Variants in CASKIN1 observed in about 807,000 individuals in gnomAD.
The protein encoded by CASKIN1 is caskin-1.
In CASKIN1, 42 loss-of-function variants were observed where a neutral mutation model predicts 117.5. That is an observed-to-expected ratio of 0.36 (90% CI 0.28 to 0.46). CASKIN1 has a LOEUF of 0.46. CASKIN1 is among the 20% of genes least tolerant of loss of function. The pLI is 1.00. For missense variants in CASKIN1, 2,083 were observed against 2,077.3 expected, an observed-to-expected ratio of 1.00 and a Z score of -0.05; for synonymous variants, 1,148 against 961.7, an observed-to-expected ratio of 1.19 and a Z score of -3.59.
At position 2,180,809 on chromosome 16, in the gene CASKIN1, G is replaced by A; in HGVS notation, c.2559C>T (p.Pro853=). The change falls in exon 18 of 20, where the codon CCC becomes CCT. Residue 853 remains proline (P), a synonymous_variant. Coordinates refer to ENST00000343516, the MANE Select transcript of CASKIN1 (RefSeq NM_020764.4). ...EVGPAAPGPA[P]PPVPTAVPTL... is the part of the protein sequence containing the mutation. ...TGGGCACAGCCGTCGGCACGGGTGG[G>A]GGCGCAGGCCCCGGGGCAGCCGGCC... 1 of 1,397,334 alleles carries A rather than the reference G, an allele frequency of 7.2e-7. No individual in the cohort carries two copies. Among genetic ancestry groups the A allele is most frequent in the African/African-American group, 1.5e-5 (1 of 65,912 alleles). 86.6% of individuals were successfully genotyped at this position (1,397,334 alleles called of 1,614,324 possible).
chr16:2,184,886 T>G lies in CASKIN1; in HGVS notation c.1325-18A>C. On this transcript the variant is annotated intron_variant, in intron 13 of 19. Transcript: ENST00000343516. ...GGCCACACCTGAGGACGAGAGTGGG[T>G]GGGGGACAAGGGCTGTCGGGCTGCT... 2 of 1,575,608 alleles carry G rather than the reference T, an allele frequency of 1.3e-6. No homozygotes were observed. Among genetic ancestry groups the G allele is most frequent in the Non-Finnish European group, 1.7e-6 (2 of 1,157,092 alleles).
At position 2,196,064 on chromosome 16, in the gene CASKIN1, AG is replaced by A. The variant is rs2093215088; in HGVS notation, c.94+274del. 2.0e-5 allele frequency among the ~76,000 whole-genome samples: 3 copies of A among 151,802 alleles called. No individual in the cohort carries two copies. Among genetic ancestry groups the A allele is most frequent in the Admixed American group, 1.3e-4 (2 of 15,260 alleles). ...TGGGAAGGGAGGGGGACAGAGGTAG[AG>A]AGAGAGGGATGCGAACGCCCGCGGC... On this transcript the variant is annotated intron_variant, in intron 1 of 19. Transcript: ENST00000343516. This position sits in a 1 kb window ranked among gnomAD's most constrained non-coding sequence, Gnocchi z 5.7.
At position 2,185,333 on chromosome 16, in the gene CASKIN1, A is replaced by G. The variant is rs1401085066; in HGVS notation, c.1124T>C (p.Ile375Thr). ...SSGPSAPPEE[I>T]WVLRKPFAGG... ...TGCAAAAGGCTTCCTCAGCACCCAG[A>G]TCTCCTCTGGGGGTGCAGAGGGTCC... The change falls in exon 11 of 20, where the codon ATC (isoleucine) becomes ACC (threonine). Residue 375 changes from isoleucine (I) to threonine (T), a missense_variant. This residue lies in a region of CASKIN1 where 1,818 missense variants were observed against 1,688.9 expected (regional missense o/e 1.08). Coordinates refer to ENST00000343516, the MANE Select transcript of CASKIN1 (RefSeq NM_020764.4). 1 of 1,605,772 alleles carries G rather than the reference A, an allele frequency of 6.2e-7. No individual in the cohort carries two copies. Among genetic ancestry groups the G allele is most frequent in the Non-Finnish European group, 8.5e-7 (1 of 1,174,312 alleles).
rs2093166145 is a variant in CASKIN1, at chr16:2,181,067, G to A, written c.2301C>T (p.Leu767=). The A allele has an allele frequency of 1.3e-6, 2 of 1,490,222 alleles. No individual in the cohort carries two copies. Among genetic ancestry groups the A allele is most frequent in the Non-Finnish European group, 1.8e-6 (2 of 1,125,594 alleles). The allele number at this position is 1,490,222 out of a possible 1,614,324, so 92.3% of individuals were successfully genotyped here. A position where few individuals can be genotyped will look rare whatever the true frequency, so the allele number is the denominator to read the frequency against. The change falls in exon 18 of 20, where the codon CTC becomes CTT. Residue 767 remains leucine (L), a synonymous_variant. Transcript: ENST00000343516. ...PPVPGKPRQV[L]PPGTSHFTPP... is the part of the protein sequence containing the mutation. ...GCGTGAAGTGGCTAGTGCCTGGTGG[G>A]AGGACCTGCCGTGGCTTGCCAGGCA...
At chr16:2,191,416 G>A (rs1459425036) in intron 1 of CASKIN1, among the ~76,000 whole-genome samples, 1 of 152,198 alleles carries the variant, frequency 6.6e-6, no homozygotes, top group Admixed American at 6.5e-5. Context: ...CTGTGAATTC[G>A]AATCTCTGCT....
In CASKIN1 at chr16:2,183,701, ATCT is replaced by A. The variant is rs1223851396; in HGVS notation, c.1571_1573del (p.Lys524del). 6 of 1,613,194 alleles carry A rather than the reference ATCT, an allele frequency of 3.7e-6. No homozygotes were observed. The highest frequency in any genetic ancestry group is 4.2e-6 in the Non-Finnish European group (5 of 1,179,962). On this transcript the variant is annotated inframe_deletion, in exon 16 of 20. Transcript: ENST00000343516. Reference sequence around the variant, plus strand: ...GCTTAGGCCGCTGATCTCTGCCGCGATCTTCTTCCGGTGGCCCGGCTTGGTGAC... The same window carrying A: ...GCTTAGGCCGCTGATCTCTGCCGCGATCTTCCGGTGGCCCGGCTTGGTGAC...
At position 2,189,101 on chromosome 16, in the gene CASKIN1, C is replaced by T. The variant is rs570225320; in HGVS notation, c.543G>A (p.Pro181=). 8 of 1,613,552 alleles carry T rather than the reference C, an allele frequency of 5.0e-6. No homozygotes were observed. The Admixed American group carries it at 6.7e-5, about 13-fold the overall frequency. Residue 181 remains proline, a synonymous_variant, in exon 6 of 20, where the codon CCG becomes CCA. Coordinates refer to ENST00000343516, the MANE Select transcript of CASKIN1 (RefSeq NM_020764.4). The part of the protein sequence containing the change: ...NMCAALLEPR[P]GDATDPNGTS... ...TGCCGTTGGGGTCGGTGGCGTCTCC[C>T]GGCCGGGGCTCCAGCAGCGCCGCAC... is the stretch of plus-strand genomic sequence containing the variant.
In CASKIN1 at chr16:2,179,040, G is replaced by T. The variant is rs1567256995; in HGVS notation, c.4061C>A (p.Ala1354Asp). 4 of 982,720 alleles carry T rather than the reference G, an allele frequency of 4.1e-6. No individual in the cohort carries two copies. Among genetic ancestry groups the T allele is most frequent in the Non-Finnish European group, 1.2e-6 (1 of 826,540 alleles). 60.9% of individuals were successfully genotyped at this position (982,720 alleles called of 1,614,324 possible). The change falls in exon 19 of 20, where the codon GCC becomes GAC. Residue 1354 changes from alanine (A) to aspartate (D), a missense_variant. This residue lies in a region of CASKIN1 where 1,818 missense variants were observed against 1,688.9 expected (regional missense o/e 1.08). Transcript: ENST00000343516. The surrounding 1 kb of genome is among the most constrained non-coding windows in gnomAD (Gnocchi z 5.8). ...GCCTTCGGGCGGGGCGGGGGGCGCG[G>T]CGGCGGCGGCGGCGGCGGCGGCGGC... The part of the protein sequence containing the change: ...RAAAAAAAAA[A>D]APPAPPEGAS...
At position 2,183,836 on chromosome 16, in the gene CASKIN1, G is replaced by A. The variant is rs1156626389; in HGVS notation, c.1522C>T (p.Pro508Ser). 3 of 1,612,654 alleles carry A rather than the reference G, an allele frequency of 1.9e-6. No homozygotes were observed. The highest frequency in any genetic ancestry group is 2.7e-5 in the African/African-American group (2 of 74,936). ...YDLPTISRMT[P>S]EDLTAIGVTK... Reference sequence around the variant, plus strand: ...GCGGCGCATGGAAAGCTCACCTCGGGAGTCATGCGGCTGATGGTGGGCAGG... The same window carrying A: ...GCGGCGCATGGAAAGCTCACCTCGGAAGTCATGCGGCTGATGGTGGGCAGG... Residue 508 changes from proline (P) to serine (S), a missense_variant, in exon 15 of 20, where the codon CCC becomes TCC. By Grantham distance (74) the Pro-to-Ser change is moderately conservative. Transcript: ENST00000343516.
rs767978401 is a variant in CASKIN1, at chr16:2,180,690, G to A, written c.2678C>T (p.Pro893Leu). 7 of 1,502,880 alleles carry A rather than the reference G, an allele frequency of 4.7e-6. No individual in the cohort carries two copies. The highest frequency in any genetic ancestry group is 6.2e-6 in the Non-Finnish European group (7 of 1,131,638). The allele number at this position is 1,502,880 out of a possible 1,614,324, so 93.1% of individuals were successfully genotyped here. ...AGGCACCAGCAGCTCGTCCCGCTCC[G>A]GCTCGCTGTCGGACGCCGCATAGCG... ...LNRYAASDSE[P>L]ERDELLVPAA... The change falls in exon 18 of 20, where the codon CCG (proline) becomes CTG (leucine). Residue 893 changes from proline to leucine, a missense_variant. Physicochemically the swap from Pro to Leu is moderately conservative, Grantham distance 98. This residue lies in a region of CASKIN1 where 1,818 missense variants were observed against 1,688.9 expected (regional missense o/e 1.08). Transcript: ENST00000343516.
At position 2,181,340 on chromosome 16, in the gene CASKIN1, C is replaced by A. The variant is rs762154089; in HGVS notation, c.2028G>T (p.Glu676Asp). ...TGPAEVGPTT[E>D]KPSSHLPPTP... is the part of the protein sequence containing the mutation. Reference sequence around the variant, plus strand: ...TGGGTGGCAGGTGGCTGGAGGGCTTCTCAGTGGTGGGCCCCACCTCAGCCG... The same window carrying A: ...TGGGTGGCAGGTGGCTGGAGGGCTTATCAGTGGTGGGCCCCACCTCAGCCG... The change falls in exon 18 of 20, where the codon GAG becomes GAT. Residue 676 changes from glutamate to aspartate, a missense_variant. By Grantham distance (45) the Glu-to-Asp change is conservative. Coordinates refer to ENST00000343516, the MANE Select transcript of CASKIN1 (RefSeq NM_020764.4). The A allele has an allele frequency of 1.9e-6, 3 of 1,607,008 alleles. No homozygotes were observed. In the East Asian group the frequency reaches 6.7e-5, roughly 36 times the overall value.
intron 10 of CASKIN1, among the ~76,000 whole-genome samples, chr16:2,186,197 G>A (rs951390389): frequency 6.6e-6 from 1 of 152,086 alleles, no homozygotes; most frequent in Non-Finnish European, 1.5e-5. Flanking sequence ...TCGAACTCCT[G>A]GGCTCAAACA....
intron 1 of CASKIN1, among the ~76,000 whole-genome samples, chr16:2,190,746 C>A (rs1309964089): frequency 6.6e-6 from 1 of 152,206 alleles, no homozygotes; most frequent in Non-Finnish European, 1.5e-5. Context: ...AGAGCCGGCC[C>A]AATCTGTCTC....
chr16:2,178,918 C>T lies in CASKIN1; in HGVS notation c.4183G>A (p.Asp1395Asn), dbSNP rs1160029993. The change falls in exon 19 of 20, where the codon GAC becomes AAC. Residue 1395 changes from aspartate (D) to asparagine (N), a missense_variant. Transcript: ENST00000343516. Reference sequence around the variant, plus strand: ...CGCACCTACCGCGGGCCCTGCGCGTCCTCCTGCCGGATCTTCTCCTCCACC... The same window carrying T: ...CGCACCTACCGCGGGCCCTGCGCGTTCTCCTGCCGGATCTTCTCCTCCACC... The part of the protein sequence containing the change: ...QAVEEKIRQE[D>N]AQGPRDSAAE... 10 of 1,484,502 alleles carry T rather than the reference C, an allele frequency of 6.7e-6. No individual in the cohort carries two copies. Among genetic ancestry groups the T allele is most frequent in the Admixed American group, 2.3e-5 (1 of 42,790 alleles). The allele number at this position is 1,484,502 out of a possible 1,614,324, so 92.0% of individuals were successfully genotyped here.
rs1344328785 is a variant in CASKIN1 at position 2,179,993 on chromosome 16, C to G, written c.3375G>C (p.Lys1125Asn). 6.2e-7 allele frequency: 1 copy of G among 1,604,758 alleles called. No individual in the cohort carries two copies. Among genetic ancestry groups the G allele is most frequent in the Admixed American group, 1.7e-5 (1 of 59,218 alleles). ...LAKVEASATL[K>N]RRIRAKQNQQ... is the part of the protein sequence containing the mutation. Reference sequence around the variant, plus strand: ...GGTTCTGCTTGGCCCGGATGCGCCTCTTGAGTGTGGCGCTGGCTTCCACCT... The same window carrying G: ...GGTTCTGCTTGGCCCGGATGCGCCTGTTGAGTGTGGCGCTGGCTTCCACCT... The change falls in exon 18 of 20, where the codon AAG becomes AAC. Residue 1125 changes from lysine (K) to asparagine (N), a missense_variant. This residue lies in a region of CASKIN1 where 1,818 missense variants were observed against 1,688.9 expected (regional missense o/e 1.08). Coordinates refer to ENST00000343516, the MANE Select transcript of CASKIN1 (RefSeq NM_020764.4). The surrounding 1 kb of genome is among the most constrained non-coding windows in gnomAD (Gnocchi z 5.8).
chr16:2,179,522 C>T lies in CASKIN1; in HGVS notation c.3775+71G>A, dbSNP rs1334776678. 2 of 1,400,992 alleles carry T rather than the reference C, an allele frequency of 1.4e-6. No individual in the cohort carries two copies. Among genetic ancestry groups the T allele is most frequent in the Non-Finnish European group, 1.9e-6 (2 of 1,078,526 alleles). The allele number at this position is 1,400,992 out of a possible 1,614,324, so 86.8% of individuals were successfully genotyped here. On this transcript the variant is annotated intron_variant, in intron 18 of 19. Transcript: ENST00000343516. This position sits in a 1 kb window ranked among gnomAD's most constrained non-coding sequence, Gnocchi z 5.8. Reference sequence around the variant, plus strand: ...TCCATCAAACCCAAGAAAAGGAAAACCCCTCAGACCACCGAGTAAGGAGGT... The same window carrying T: ...TCCATCAAACCCAAGAAAAGGAAAATCCCTCAGACCACCGAGTAAGGAGGT...
chr16:2,189,376 G>GCGCTGCCCCGCCCC (rs765193905), intron 4 of CASKIN1, 43 bp from the exon 5 acceptor site: 76 of 1,610,386 alleles, frequency 4.7e-5, no homozygotes, highest in East Asian at 4.0e-4. Flanking sequence ...TCCTCAGGCC[G>GCGCTGCCCCGCCCC]CGCTGCCCCG....
At chr16:2,188,272 G>A (rs26833) in intron 6 of CASKIN1, among the ~76,000 whole-genome samples, 48,351 of 150,682 alleles carry the variant, frequency 0.32, 9,636 homozygotes, top group Non-Finnish European at 0.42. Context: ...CTGCAGCCTC[G>A]ACCTCCCAGG....
At chr16:2,190,217 C>T (rs776494070) in intron 2 of CASKIN1, 47 bp from the exon 3 acceptor site, 21 of 1,603,594 alleles carry the variant, frequency 1.3e-5, no homozygotes, top group Non-Finnish European at 1.8e-5. Context: ...GGCGCCCCGG[C>T]CTTCCCGGCA....
Sources: allele counts gnomAD v4.1 joint callset (sites outside exome capture counted in the v4.1 genomes callset), GRCh38; gene constraint gnomAD v4.1.1; regional missense constraint gnomAD v4.1.1; non-coding constraint Gnocchi (gnomAD v3.1); transcripts MANE v1.5; gene names NCBI Gene and HGNC (gene_info 2026-07-23, HGNC 2026-07-21).